Variants in ELMO1 observed in about 807,000 individuals in gnomAD.
ELMO1 encodes the protein engulfment and cell motility protein 1.
ELMO1 carries 26 observed loss-of-function variants against 98.9 expected under a neutral mutation model. The ratio of observed to expected loss-of-function variants is 0.26; its 90% CI spans 0.19 to 0.36. The LOEUF is 0.36. Ranked by LOEUF, ELMO1 falls within the 10% of genes least tolerant of loss-of-function variation. ELMO1 has a pLI of 1.00. For missense variants in ELMO1, 627 were observed against 935.2 expected (o/e 0.67, Z 4.30); for synonymous variants, 346 against 346.0 (o/e 1.00, Z 0.00).
At chr7:36,955,506 T>G (rs1205569421) in intron 16 of ELMO1, among the ~76,000 whole-genome samples, 1 of 152,258 alleles carries the variant, frequency 6.6e-6, no homozygotes, top group African/African-American at 2.4e-5. Flanking sequence ...AATTCTGCAT[T>G]ATTTCAGTAC....
chr7:36,908,865 A>G (rs1476829429), intron 16 of ELMO1, among the ~76,000 whole-genome samples: 3 of 152,224 alleles, frequency 2.0e-5, no homozygotes, highest in Non-Finnish European at 4.4e-5. Context: ...CAGAATGCTG[A>G]CTATTAGCAT....
intron 16 of ELMO1, among the ~76,000 whole-genome samples, chr7:37,006,406 A>C (rs1793126149): frequency 6.6e-6 from 1 of 152,192 alleles, no homozygotes; most frequent in Non-Finnish European, 1.5e-5. Context: ...TACTATTGCC[A>C]CTACCGGTTT....
At chr7:36,983,520 C>T (rs1562876326) in intron 16 of ELMO1, among the ~76,000 whole-genome samples, 3 of 152,198 alleles carry the variant, frequency 2.0e-5, no homozygotes, top group Non-Finnish European at 4.4e-5. Flanking sequence ...ATGCATGAAA[C>T]ACCAAACACT....
intron 15 of ELMO1, among the ~76,000 whole-genome samples, chr7:37,040,374 TCTTGCATAATAGGTCTTC>T (rs1375243141): frequency 6.6e-6 from 1 of 152,200 alleles, no homozygotes; most frequent in Non-Finnish European, 1.5e-5. Flanking sequence ...TACAAACAGT[TCTTGCATAATAGGTCTTC>T]CAATGCAAGA....
At chr7:37,136,972 C>T (rs987489007) in intron 13 of ELMO1, among the ~76,000 whole-genome samples, 23 of 152,054 alleles carry the variant, frequency 1.5e-4, no homozygotes, top group African/African-American at 5.1e-4. Flanking sequence ...AGGTACAGAA[C>T]GGCAGAAAGG....
At chr7:37,192,526 G>A (rs1377302755) in intron 13 of ELMO1, among the ~76,000 whole-genome samples, 10 of 149,334 alleles carry the variant, frequency 6.7e-5, no homozygotes, top group Non-Finnish European at 1.3e-4. Flanking sequence ...TGGGCCGGGC[G>A]CAGTGGTTCA....
intron 1 of ELMO1, among the ~76,000 whole-genome samples, chr7:37,433,061 G>A (rs945444631): frequency 6.6e-6 from 1 of 152,158 alleles, no homozygotes; most frequent in African/African-American, 2.4e-5. Flanking sequence ...TTGCATGGCC[G>A]TGTGCCTCTC....
At chr7:36,906,705 C>A (rs559246479) in intron 16 of ELMO1, among the ~76,000 whole-genome samples, 2 of 151,938 alleles carry the variant, frequency 1.3e-5, no homozygotes, top group African/African-American at 2.4e-5. Flanking sequence ...GTGGGAGGAT[C>A]GCTTGAGCCC....
rs1554282611 is a variant in ELMO1, at chr7:37,250,802, A to AAC, written c.414-6412_414-6411insGT. Among the ~76,000 whole-genome samples the AAC allele has an allele frequency of 1.5e-3, 224 of 152,044 alleles. 2 individuals are homozygous for AAC. Among genetic ancestry groups the AAC allele is most frequent in the African/African-American group, 5.1e-3 (210 of 41,486 alleles). On this transcript the variant is annotated intron_variant, in intron 6 of 21. Transcript: ENST00000310758. ...GCAAGACTCCGTCTCAAAAAAAAAA[A>AAC]AAAAAAAAACCAGAAACTTTCCAAG...
rs894193161 is a variant in ELMO1 at position 36,926,053 on chromosome 7, A to C, written c.1438-31036T>G. Among the ~76,000 whole-genome samples, 46 of 152,070 alleles carry C rather than the reference A, an allele frequency of 3.0e-4. 1 individual carries two copies. Among genetic ancestry groups the C allele is most frequent in the Admixed American group, 2.8e-3 (42 of 15,272 alleles). ...TTCCCTCCAAGTCCCCTTCATCTTCATTCTTCCATCCCCAGAACCCAGCTT... is the reference window on the plus strand; with the variant it reads ...TTCCCTCCAAGTCCCCTTCATCTTCCTTCTTCCATCCCCAGAACCCAGCTT... On this transcript the variant is annotated intron_variant, in intron 16 of 21. Transcript: ENST00000310758.
chr7:37,203,647 C>A (rs1369497928), intron 13 of ELMO1, among the ~76,000 whole-genome samples: 1 of 152,070 alleles, frequency 6.6e-6, no homozygotes, highest in African/African-American at 2.4e-5. Flanking sequence ...GCACCAGAGA[C>A]AGGGAGTGGT....
intron 16 of ELMO1, among the ~76,000 whole-genome samples, chr7:37,007,434 T>C (rs1188347471): frequency 6.6e-6 from 1 of 152,206 alleles, no homozygotes; most frequent in Non-Finnish European, 1.5e-5. Context: ...AAGCTTCCTT[T>C]CACAGCTTGC....
intron 6 of ELMO1, among the ~76,000 whole-genome samples, chr7:37,251,239 A>T (rs1404622118): frequency 6.6e-6 from 1 of 152,186 alleles, no homozygotes; most frequent in Admixed American, 6.5e-5. Flanking sequence ...TGTTTCTGGA[A>T]ACACTGTCCA....
chr7:37,354,820 T>C (rs903229181), intron 1 of ELMO1, among the ~76,000 whole-genome samples: 2 of 152,202 alleles, frequency 1.3e-5, no homozygotes. Flanking sequence ...TCCACCATCC[T>C]GTGAGCCAAA....
At chr7:36,984,410 G>A (rs1051637481) in intron 16 of ELMO1, among the ~76,000 whole-genome samples, 2 of 152,176 alleles carry the variant, frequency 1.3e-5, no homozygotes, top group African/African-American at 4.8e-5. Context: ...CTCCTGCAAC[G>A]TCAGCCCTAC....
chr7:36,952,209 G>A (rs10237304), intron 16 of ELMO1, among the ~76,000 whole-genome samples: 68,736 of 152,004 alleles, frequency 0.45, 16,813 homozygotes, highest in African/African-American at 0.63. Flanking sequence ...CCTGAGAAGA[G>A]GCTTCCAGAG....
At chr7:37,417,781 G>C (rs145883753) in intron 1 of ELMO1, among the ~76,000 whole-genome samples, 4,555 of 152,310 alleles carry the variant, frequency 0.03, 231 homozygotes, top group African/African-American at 0.1. Context: ...GGCAGAGGTT[G>C]CAGTGAGTCG....
At chr7:37,085,339 T>A (rs1053060251) in intron 15 of ELMO1, among the ~76,000 whole-genome samples, 3 of 152,220 alleles carry the variant, frequency 2.0e-5, no homozygotes, top group Non-Finnish European at 2.9e-5. Context: ...TTTGTTTTTT[T>A]ATTTTTTTTC....
intron 15 of ELMO1, among the ~76,000 whole-genome samples, chr7:37,024,740 C>T (rs1466827630): frequency 1.3e-5 from 2 of 152,178 alleles, no homozygotes; most frequent in East Asian, 1.9e-4. Flanking sequence ...CTTAGTCCAG[C>T]ACCTGACATT....
Sources: gnomAD v4.1 joint callset for allele counts (sites outside exome capture counted in the v4.1 genomes callset) on GRCh38, gnomAD v4.1.1 for gene constraint, MANE v1.5 for transcripts, NCBI Gene and HGNC (gene_info 2026-07-23, HGNC 2026-07-21) for gene names.